BAIAP2: variants seen among roughly 807,000 people sequenced by gnomAD.
BAIAP2 encodes the protein BAR/IMD domain-containing adapter protein 2.
In BAIAP2, 18 loss-of-function variants were observed where a neutral mutation model predicts 63.0. That is an observed-to-expected ratio of 0.29 (90% CI 0.20 to 0.42). The LOEUF (loss-of-function observed/expected upper bound fraction) is 0.42. Ranked by LOEUF, BAIAP2 falls within the 10% of genes least tolerant of loss-of-function variation. BAIAP2 has a pLI of 1.00. For missense variants in BAIAP2, 610 were observed against 734.3 expected (o/e 0.83, Z 1.96); for synonymous variants, 386 against 307.6 (o/e 1.25, Z -2.67).
chr17:81,094,575 AG>A (rs1216300999), intron 6 of BAIAP2, among the ~76,000 whole-genome samples: 1 of 152,178 alleles, frequency 6.6e-6, no homozygotes, highest in Non-Finnish European at 1.5e-5. Context: ...TGCTCAGCCC[AG>A]CCCGGGTCTT....
chr17:81,061,309 T>G (rs2050512687), intron 3 of BAIAP2, among the ~76,000 whole-genome samples: 1 of 152,220 alleles, frequency 6.6e-6, no homozygotes, highest in Non-Finnish European at 1.5e-5. Context: ...GATGACTGTT[T>G]GTACAACTTC....
intron 1 of BAIAP2, among the ~76,000 whole-genome samples, chr17:81,045,206 T>G (rs1177940237): frequency 6.6e-6 from 1 of 151,878 alleles, no homozygotes; most frequent in Non-Finnish European, 1.5e-5. Flanking sequence ...CCCCTGAGAG[T>G]TGAGGACGCC....
At chr17:81,078,951 G>T (rs1028060536) in intron 3 of BAIAP2, among the ~76,000 whole-genome samples, 1 of 152,118 alleles carries the variant, frequency 6.6e-6, no homozygotes, top group African/African-American at 2.4e-5. Context: ...CATGCTGGTT[G>T]GGGTAAGACC....
In BAIAP2 at chr17:81,035,821, C is replaced by G. The variant is rs868280076; in HGVS notation, c.54+513C>G. Among the ~76,000 whole-genome samples the G allele has an allele frequency of 5.9e-5, 9 of 152,128 alleles. No individual in the cohort carries two copies. The East Asian group carries it at 1.7e-3, about 29-fold the overall frequency. ...TGGGGCTCCTCCAGGCGCGGTTGCG[C>G]GAGCCTCGGGCACTTCATTCTCAAC... On this transcript the variant is annotated intron_variant, in intron 1 of 13. Coordinates refer to ENST00000428708, the MANE Select transcript of BAIAP2 (RefSeq NM_001144888.2).
intron 3 of BAIAP2, among the ~76,000 whole-genome samples, chr17:81,074,661 C>T (rs1230705644): frequency 1.5e-5 from 2 of 136,600 alleles, no homozygotes; most frequent in Non-Finnish European, 3.1e-5. Context: ...TCTGTGTCTG[C>T]GTGCACGGAT....
intron 3 of BAIAP2, among the ~76,000 whole-genome samples, chr17:81,082,488 C>T (rs2054807897): frequency 6.6e-6 from 1 of 152,214 alleles, no homozygotes; most frequent in Non-Finnish European, 1.5e-5. Context: ...GCCCGGGGCT[C>T]TGTGCGTCCC....
intron 9 of BAIAP2, 148 bp downstream of exon 9, chr17:81,104,256 C>A: frequency 2.1e-6 from 2 of 934,204 alleles, no homozygotes; most frequent in Non-Finnish European, 1.6e-6. Flanking sequence ...GTGGTACACA[C>A]ACGTGTGCCT....
At chr17:81,106,270 C>T (rs964360185) in intron 11 of BAIAP2, 124 bp downstream of exon 11, 17 of 1,037,508 alleles carry the variant, frequency 1.6e-5, no homozygotes, top group East Asian at 2.6e-5. Flanking sequence ...ACCGCAGGGC[C>T]ATCCCCAGTG....
chr17:81,047,228 G>A (rs145802813), intron 1 of BAIAP2, among the ~76,000 whole-genome samples: 1 of 152,318 alleles, frequency 6.6e-6, no homozygotes, highest in East Asian at 1.9e-4. Context: ...CGGGCTGGCT[G>A]TGTGGTCAGC....
At chr17:81,057,528 T>C (rs1458948105) in intron 2 of BAIAP2, 3 of 547,132 alleles carry the variant, frequency 5.5e-6, no homozygotes, top group African/African-American at 4.0e-5. Flanking sequence ...TTGCCCAGGG[T>C]TGGTTCTTTG....
intron 1 of BAIAP2, among the ~76,000 whole-genome samples, chr17:81,039,384 G>A (rs547282771): frequency 3.3e-5 from 5 of 152,342 alleles, no homozygotes; most frequent in Admixed American, 3.3e-4. Flanking sequence ...GTGGCGTCCA[G>A]CGTTCGCTTG....
rs11664 is a variant in BAIAP2, at chr17:81,109,062, G to A, written c.1535+553G>A. 0.27 allele frequency: 407,414 copies of A among 1,507,410 alleles called. 56,509 individuals carry two copies. Among genetic ancestry groups the A allele is most frequent in the East Asian group, 0.44 (17,494 of 39,824 alleles). The allele number at this position is 1,507,410 out of a possible 1,614,324, so 93.4% of individuals were successfully genotyped here. ...CCGCGCCTTCCCCCTGGTCTCGTCC[G>A]TTTTCCTCCTCAGCTCTCGCTGGTT... On this transcript the variant is annotated intron_variant, in intron 13 of 13. Transcript: ENST00000428708.
chr17:81,066,540 C>T (rs564829920), intron 3 of BAIAP2, among the ~76,000 whole-genome samples: 1 of 152,326 alleles, frequency 6.6e-6, no homozygotes, highest in African/African-American at 2.4e-5. Flanking sequence ...CTCCTGTCCC[C>T]GCAGGTGTCG....
At chr17:81,049,713 G>A (rs2048367458) in intron 1 of BAIAP2, among the ~76,000 whole-genome samples, 1 of 152,212 alleles carries the variant, frequency 6.6e-6, no homozygotes, top group Admixed American at 6.5e-5. Flanking sequence ...TTTCATTCCG[G>A]AAGAGCTGGA....
intron 1 of BAIAP2, among the ~76,000 whole-genome samples, chr17:81,050,466 G>C (rs1247295323): frequency 1.3e-5 from 2 of 152,222 alleles, no homozygotes; most frequent in African/African-American, 4.8e-5. Flanking sequence ...CCGCCGTGCT[G>C]ACCCGCCGTG....
At chr17:81,114,438 G>GC (rs1158295845) in intron 13 of BAIAP2, among the ~76,000 whole-genome samples, 4 of 152,116 alleles carry the variant, frequency 2.6e-5, no homozygotes, top group African/African-American at 9.7e-5. Flanking sequence ...CCCCTAGGCA[G>GC]CCCCTACCCA....
intron 13 of BAIAP2, among the ~76,000 whole-genome samples, chr17:81,112,887 A>AC (rs2060081194): frequency 6.6e-6 from 1 of 151,550 alleles, no homozygotes; most frequent in Non-Finnish European, 1.5e-5. Flanking sequence ...CCCCATCTTG[A>AC]CAAAAAAAAA....
At chr17:81,101,010 CG>C (rs2058408380) in intron 7 of BAIAP2, among the ~76,000 whole-genome samples, 1 of 152,078 alleles carries the variant, frequency 6.6e-6, no homozygotes, top group African/African-American at 2.4e-5. Flanking sequence ...CTCCTTGGGC[CG>C]GTAGACTCTT....
chr17:81,058,603 G>C (rs1477917483), intron 3 of BAIAP2, among the ~76,000 whole-genome samples: 1 of 152,220 alleles, frequency 6.6e-6, no homozygotes, highest in Non-Finnish European at 1.5e-5. Context: ...GGGAGACCCC[G>C]GGCCGGCTGC....
Sources: allele counts gnomAD v4.1 joint callset (sites outside exome capture counted in the v4.1 genomes callset), GRCh38; gene constraint gnomAD v4.1.1; transcripts MANE v1.5; gene names NCBI Gene and HGNC (gene_info 2026-07-23, HGNC 2026-07-21).